URB1: variants seen among roughly 807,000 people sequenced by gnomAD.
URB1 encodes nucleolar pre-ribosomal-associated protein 1.
A neutral mutation model predicts 242.3 loss-of-function variants in URB1; 197 were observed. The ratio of observed to expected loss-of-function variants is 0.81; its 90% confidence interval spans 0.72 to 0.91. The LOEUF (loss-of-function observed/expected upper bound fraction) is 0.91. URB1 is among the 40% of genes least tolerant of loss of function. URB1 has a pLI of 0.00. For missense variants in URB1, 2,721 were observed against 2,860.5 expected, an observed-to-expected ratio of 0.95 and a Z score of 1.11; for synonymous variants, 1,153 against 1,201.8, an observed-to-expected ratio of 0.96 and a Z score of 0.84.
chr21:32,358,622 A>G (rs2033250553), intron 14 of URB1, among the ~76,000 whole-genome samples: 1 of 152,222 alleles, frequency 6.6e-6, no homozygotes, highest in Non-Finnish European at 1.5e-5. Flanking sequence ...AGATATAAGC[A>G]TAAGGTGGGG....
chr21:32,320,875 C>A lies in URB1; in HGVS notation c.5485-235G>T, dbSNP rs142448333. ...CTCTGGGCCCGGGGATCCCCACTTC[C>A]GTTAATCCATCATCTGGAACCCACC... is the stretch of plus-strand genomic sequence containing the variant. On this transcript the variant is annotated intron_variant, in intron 34 of 38. Coordinates refer to ENST00000382751, the MANE Select transcript of URB1 (RefSeq NM_014825.3). 3.0e-4 allele frequency among the ~76,000 whole-genome samples: 45 copies of A among 152,278 alleles called. 1 individual carries two copies. The highest frequency in any genetic ancestry group is 1.9e-3 in the East Asian group (10 of 5,170).
rs1225905593 is a variant in URB1 at position 32,337,138 on chromosome 21, C to T, written c.4641G>A (p.Leu1547=). Residue 1547 remains leucine, a synonymous_variant, in exon 28 of 39, where the codon CTG becomes CTA. Coordinates refer to ENST00000382751, the MANE Select transcript of URB1 (RefSeq NM_014825.3). ...LSVLDQKILL[L]LRAYEQNKLS... Reference sequence around the variant, plus strand: ...GCTTGTTCTGCTCATACGCTCGAAGCAGAAGTAAAATCTTCTGATCTACAA... The same window carrying T: ...GCTTGTTCTGCTCATACGCTCGAAGTAGAAGTAAAATCTTCTGATCTACAA... 29 of 1,551,740 alleles carry T rather than the reference C, an allele frequency of 1.9e-5. No homozygotes were observed. Among genetic ancestry groups the T allele is most frequent in the Non-Finnish European group, 2.5e-5 (29 of 1,147,050 alleles).
chr21:32,387,843 C>T (rs550480141), intron 1 of URB1, among the ~76,000 whole-genome samples: 3 of 152,314 alleles, frequency 2.0e-5, no homozygotes, highest in African/African-American at 7.2e-5. Flanking sequence ...ACACCAGCTG[C>T]CATCACCCTA....
rs1362246634 is a variant in URB1 at position 32,378,483 on chromosome 21, C to T, written c.626G>A (p.Gly209Asp). 1 of 1,551,710 alleles carries T rather than the reference C, an allele frequency of 6.4e-7. No homozygotes were observed. Among genetic ancestry groups the T allele is most frequent in the East Asian group, 2.4e-5 (1 of 40,928 alleles). ...VQFALSFLIA[G>D]DDSTIVQVLE... ...CACCTGCACTATAGTGCTGTCATCA[C>T]CCGCAATTAAAAAGGAGAGAGCAAA... is the stretch of plus-strand genomic sequence containing the variant. Residue 209 changes from glycine (G) to aspartate (D), a missense_variant, in exon 5 of 39, where the codon GGT (glycine) becomes GAT (aspartate). Coordinates refer to ENST00000382751, the MANE Select transcript of URB1 (RefSeq NM_014825.3).
At chr21:32,326,285 C>A (rs1184638836) in intron 30 of URB1, among the ~76,000 whole-genome samples, 2 of 152,126 alleles carry the variant, frequency 1.3e-5, no homozygotes, top group Non-Finnish European at 2.9e-5. Flanking sequence ...ATAGAGTGAC[C>A]AGTGGCCTAA....
chr21:32,375,465 A>C lies in URB1; in HGVS notation c.683T>G (p.Phe228Cys), dbSNP rs559992034. ...CCTATCTTCCTTTATCCCTGAGCTAAAAATGCAAGGAATAAATTCTGAAAG... is the reference window on the plus strand; with the variant it reads ...CCTATCTTCCTTTATCCCTGAGCTACAAATGCAAGGAATAAATTCTGAAAG... ...LEVKEFIPCI[F>C]SSGIKEDRIS... The change falls in exon 6 of 39, where the codon TTT becomes TGT. Residue 228 changes from phenylalanine to cysteine, a missense_variant. Coordinates refer to ENST00000382751, the MANE Select transcript of URB1 (RefSeq NM_014825.3). 2.1e-4 allele frequency: 322 copies of C among 1,526,146 alleles called. No homozygotes were observed. Among genetic ancestry groups the C allele is most frequent in the Non-Finnish European group, 4.9e-5 (56 of 1,134,212 alleles). 94.5% of individuals were successfully genotyped at this position (1,526,146 alleles called of 1,614,324 possible).
At chr21:32,345,655 T>C in intron 22 of URB1, 80 bp from the exon 23 acceptor site, 4 of 1,403,978 alleles carry the variant, frequency 2.8e-6, no homozygotes, top group South Asian at 1.5e-5. Context: ...TAGGAACTGG[T>C]TGCTATATTT....
chr21:32,370,530 G>A (rs2033395204), intron 8 of URB1, among the ~76,000 whole-genome samples: 1 of 152,148 alleles, frequency 6.6e-6, no homozygotes, highest in East Asian at 1.9e-4. Flanking sequence ...ACACATGCCA[G>A]ACACTGCTCT....
intron 28 of URB1, chr21:32,335,075 C>T (rs1177935151): frequency 6.5e-6 from 1 of 152,888 alleles, no homozygotes; most frequent in African/African-American, 2.4e-5. Flanking sequence ...GGAATGCTTC[C>T]CTGCTGTCTC....
At chr21:32,354,219 C>CT in intron 17 of URB1, 116 bp from the exon 18 acceptor site, 1 of 1,179,200 alleles carries the variant, frequency 8.5e-7, no homozygotes, top group Non-Finnish European at 1.2e-6. Flanking sequence ...CCAAATTCCT[C>CT]TTGGGGGGAG....
chr21:32,353,836 T>G (rs1485256221), intron 18 of URB1, 97 bp downstream of exon 18: 15 of 1,404,986 alleles, frequency 1.1e-5, no homozygotes, highest in Non-Finnish European at 1.4e-5. Context: ...CCCTGGATTC[T>G]CAGCAATTGA....
intron 20 of URB1, among the ~76,000 whole-genome samples, chr21:32,350,489 C>A (rs1246237799): frequency 1.3e-5 from 2 of 152,210 alleles, no homozygotes; most frequent in Non-Finnish European, 2.9e-5. Flanking sequence ...GACCAGGCTG[C>A]CCTGAAAACA....
intron 9 of URB1, 46 bp from the exon 10 acceptor site, chr21:32,366,801 T>C: frequency 6.5e-7 from 1 of 1,543,130 alleles, no homozygotes; most frequent in East Asian, 2.5e-5. Flanking sequence ...GAAGTAAGTT[T>C]CAAACCTGAG....
At chr21:32,359,104 C>A (rs2033256827) in intron 14 of URB1, among the ~76,000 whole-genome samples, 1 of 152,138 alleles carries the variant, frequency 6.6e-6, no homozygotes, top group African/African-American at 2.4e-5. Flanking sequence ...TGTAGAAATG[C>A]CAACATACAT....
intron 21 of URB1, among the ~76,000 whole-genome samples, chr21:32,349,069 G>A (rs879413636): frequency 3.9e-5 from 6 of 152,244 alleles, no homozygotes; most frequent in Non-Finnish European, 8.8e-5. Flanking sequence ...CTCACACAGC[G>A]TGAGAGAAAG....
In URB1 at chr21:32,312,062, C is replaced by G; in HGVS notation, c.*2856G>C. 6.2e-7 allele frequency: 1 copy of G among 1,607,244 alleles called. No homozygotes were observed. The highest frequency in any genetic ancestry group is 1.3e-5 in the African/African-American group (1 of 75,048). ...TCAAGCCAACCTGGACACATACGTT[C>G]CTCGTTCTTCTTAGAGGCCATTTGC... On this transcript the variant is annotated 3_prime_UTR_variant, in exon 39 of 39. Coordinates refer to ENST00000382751, the MANE Select transcript of URB1 (RefSeq NM_014825.3).
chr21:32,363,802 T>C (rs2096490), intron 10 of URB1, among the ~76,000 whole-genome samples: 116,229 of 151,910 alleles, frequency 0.77, 45,350 homozygotes, highest in Non-Finnish European at 0.86. Context: ...GCCAGGACTA[T>C]AGGCACCTAC....
At chr21:32,339,002 T>C (rs2032997500) in intron 25 of URB1, 102 bp from the exon 26 acceptor site, 1 of 1,233,146 alleles carries the variant, frequency 8.1e-7, no homozygotes, top group Admixed American at 2.9e-5. Context: ...TTTATTTATT[T>C]ATTTTTGAGA....
In URB1 at chr21:32,373,728, G is replaced by T; in HGVS notation, c.795C>A (p.Phe265Leu). The T allele has an allele frequency of 6.5e-7, 1 of 1,548,050 alleles. No homozygotes were observed. Among genetic ancestry groups the T allele is most frequent in the Non-Finnish European group, 8.7e-7 (1 of 1,145,758 alleles). The stretch of plus-strand genomic sequence containing the variant: ...TGTGGTTCAATAACTGCCCCGTAAA[G>T]AAACGCACCTTCTGGGTTTTTGTGA... ...KNITKTQKVR[F>L]FTGQLLNHIA... Residue 265 changes from phenylalanine to leucine, a missense_variant, in exon 7 of 39, where the codon TTC (phenylalanine) becomes TTA (leucine). Physicochemically the swap from Phe to Leu is conservative, Grantham distance 22. Transcript: ENST00000382751.
Sources: gnomAD v4.1 joint callset for allele counts (sites outside exome capture counted in the v4.1 genomes callset) on GRCh38, gnomAD v4.1.1 for gene constraint, MANE v1.5 for transcripts, NCBI Gene and HGNC (gene_info 2026-07-23, HGNC 2026-07-21) for gene names.